LNPEP: variants seen among roughly 807,000 people sequenced by gnomAD.
The protein encoded by LNPEP is leucyl-cystinyl aminopeptidase.
Under a neutral mutation model 120.6 loss-of-function variants are expected in LNPEP, and 64 were observed. The ratio of observed to expected loss-of-function variants is 0.53; its 90% CI spans 0.43 to 0.65. The LOEUF is 0.65. Among genes scored for constraint, LNPEP ranks in the 30% least tolerant of loss-of-function variants. LNPEP has a pLI of 0.00. For missense variants in LNPEP, 1,057 were observed against 1,200.0 expected (o/e 0.88, Z 1.76); for synonymous variants, 435 against 425.4 (o/e 1.02, Z -0.28).
At chr5:96,957,524 A>C (rs1789498812) in intron 1 of LNPEP, among the ~76,000 whole-genome samples, 1 of 152,174 alleles carries the variant, frequency 6.6e-6, no homozygotes, top group African/African-American at 2.4e-5. Context: ...GGCCCAGTGT[A>C]GTCATAAGGT....
intron 4 of LNPEP, among the ~76,000 whole-genome samples, chr5:96,990,089 T>A (rs2112623182): frequency 6.6e-6 from 1 of 152,304 alleles, no homozygotes; most frequent in Admixed American, 6.5e-5. Context: ...TAACACAAGA[T>A]ATGTTTGTCT....
intron 11 of LNPEP, 31 bp from the exon 12 acceptor site, chr5:97,013,617 C>T: frequency 7.6e-7 from 1 of 1,311,444 alleles, no homozygotes; most frequent in East Asian, 2.7e-5. Context: ...TGTCTTCTCT[C>T]TCAATCTCTC....
intron 13 of LNPEP, among the ~76,000 whole-genome samples, chr5:97,018,769 G>T (rs185582078): frequency 2.0e-5 from 3 of 152,226 alleles, no homozygotes; most frequent in East Asian, 3.9e-4. Context: ...TATATCATTG[G>T]AACCAAAGCA....
chr5:96,977,863 G>A (rs1790039293), intron 1 of LNPEP, among the ~76,000 whole-genome samples: 1 of 152,042 alleles, frequency 6.6e-6, no homozygotes, highest in Non-Finnish European at 1.5e-5. Flanking sequence ...ATCTTTTATT[G>A]AATTAGTTTG....
At chr5:96,988,070 A>C (rs1790283127) in intron 4 of LNPEP, among the ~76,000 whole-genome samples, 2 of 152,086 alleles carry the variant, frequency 1.3e-5, no homozygotes, top group Non-Finnish European at 1.5e-5. Flanking sequence ...ATTGGTATAA[A>C]ACCCCCAGCA....
chr5:96,978,877 CT>C (rs1476860406), intron 1 of LNPEP, among the ~76,000 whole-genome samples: 2 of 152,168 alleles, frequency 1.3e-5, no homozygotes, highest in Non-Finnish European at 2.9e-5. Flanking sequence ...TCTCAGCTAA[CT>C]TTTTAAAAAT....
chr5:96,987,056 T>C (rs1321188003), intron 4 of LNPEP, among the ~76,000 whole-genome samples: 1 of 152,156 alleles, frequency 6.6e-6, no homozygotes, highest in East Asian at 1.9e-4. Context: ...TGTTCAGCAG[T>C]GTTCATGTGA....
At chr5:96,937,672 T>C (rs1237467907) in intron 1 of LNPEP, 1 of 152,196 alleles carries the variant, frequency 6.6e-6, no homozygotes, top group Admixed American at 6.5e-5. Context: ...AAAAAAAATC[T>C]CTGTGATGAG....
At chr5:96,996,770 G>A (rs989026105) in intron 7 of LNPEP, among the ~76,000 whole-genome samples, 5 of 151,778 alleles carry the variant, frequency 3.3e-5, no homozygotes, top group African/African-American at 1.2e-4. Flanking sequence ...AAATTGTTTT[G>A]CAACATTTTC....
chr5:96,949,310 C>T (rs559611196), intron 1 of LNPEP, among the ~76,000 whole-genome samples: 21 of 152,356 alleles, frequency 1.4e-4, no homozygotes, highest in Admixed American at 2.6e-4. Context: ...ACCGCCTGGG[C>T]GCCTCTCCTG....
chr5:97,011,047 A>C, intron 11 of LNPEP: 1 of 985,320 alleles, frequency 1.0e-6, no homozygotes, highest in Non-Finnish European at 1.2e-6. Flanking sequence ...TACCATCTGG[A>C]CTTGGCTAGG....
chr5:96,999,473 CAGG>C (rs1421119693), intron 8 of LNPEP, among the ~76,000 whole-genome samples: 1 of 152,054 alleles, frequency 6.6e-6, no homozygotes, highest in African/African-American at 2.4e-5. Context: ...ACAAGAAAAT[CAGG>C]AGTTCAGTTA....
At chr5:96,977,989 A>AATC (rs778526986) in intron 1 of LNPEP, among the ~76,000 whole-genome samples, 1 of 152,288 alleles carries the variant, frequency 6.6e-6, no homozygotes, top group East Asian at 1.9e-4. Context: ...AAGACGAATT[A>AATC]ATCTATTTCT....
intron 1 of LNPEP, among the ~76,000 whole-genome samples, chr5:96,970,555 T>C (rs533150287): frequency 2.0e-5 from 3 of 152,092 alleles, no homozygotes; most frequent in Non-Finnish European, 4.4e-5. Flanking sequence ...TCTACCATGT[T>C]GCCACTGTTT....
chr5:96,982,365 A>C (rs982585256), intron 2 of LNPEP, among the ~76,000 whole-genome samples: 1 of 152,214 alleles, frequency 6.6e-6, no homozygotes. Context: ...TTCAGAAAGG[A>C]AATATACTCT....
intron 1 of LNPEP, among the ~76,000 whole-genome samples, chr5:96,960,332 T>A (rs1166402369): frequency 6.6e-6 from 1 of 152,218 alleles, no homozygotes; most frequent in Non-Finnish European, 1.5e-5. Flanking sequence ...GAATCATAAT[T>A]AAAATTGAAC....
At chr5:96,952,141 T>A (rs565742789) in intron 1 of LNPEP, among the ~76,000 whole-genome samples, 24 of 152,034 alleles carry the variant, frequency 1.6e-4, no homozygotes, top group East Asian at 3.9e-4. Flanking sequence ...AAATAAAATT[T>A]AAAAAAAAGA....
At chr5:96,957,211 G>A (rs1370828172) in intron 1 of LNPEP, among the ~76,000 whole-genome samples, 5 of 152,084 alleles carry the variant, frequency 3.3e-5, no homozygotes, top group Admixed American at 6.5e-5. Flanking sequence ...GTGTTATATT[G>A]TGTAGACTCT....
At chr5:97,008,760 G>T (rs1790853985) in intron 11 of LNPEP, among the ~76,000 whole-genome samples, 2 of 146,132 alleles carry the variant, frequency 1.4e-5, no homozygotes, top group Admixed American at 7.2e-5. Context: ...CGCCTCCCGG[G>T]TTCACGTCAT....
Sources: gnomAD v4.1 joint callset for allele counts (sites outside exome capture counted in the v4.1 genomes callset) on GRCh38, gnomAD v4.1.1 for gene constraint, MANE v1.5 for transcripts, NCBI Gene and HGNC (gene_info 2026-07-23, HGNC 2026-07-21) for gene names.